CREB3L1: variants seen among roughly 807,000 people sequenced by gnomAD.
CREB3L1 encodes the protein cAMP responsive element binding protein 3 like 1.
A neutral mutation model predicts 54.5 loss-of-function variants in CREB3L1; 33 were observed. The observed-to-expected ratio is 0.61, with a 90% CI of 0.46 to 0.81. CREB3L1 has a LOEUF of 0.81. Ranked by LOEUF, CREB3L1 falls within the 30% of genes least tolerant of loss-of-function variation. The probability of loss-of-function intolerance (pLI) is 0.00; values close to 1 mark genes in which losing one functional copy is unlikely to be tolerated. For missense variants in CREB3L1, 656 were observed against 673.3 expected, an observed-to-expected ratio of 0.97 and a Z score of 0.29; for synonymous variants, 284 against 286.4, an observed-to-expected ratio of 0.99 and a Z score of 0.08.
intron 2 of CREB3L1, among the ~76,000 whole-genome samples, chr11:46,301,209 TGC>T (rs1939297076): frequency 6.7e-6 from 1 of 148,974 alleles, no homozygotes; most frequent in South Asian, 2.1e-4. Context: ...GGCGTGGTGG[TGC>T]GCTCCTGTAG....
At chr11:46,301,409 G>T (rs1033058901) in intron 2 of CREB3L1, among the ~76,000 whole-genome samples, 1 of 152,074 alleles carries the variant, frequency 6.6e-6, no homozygotes, top group Non-Finnish European at 1.5e-5. Flanking sequence ...AGGCTGATGC[G>T]GGTGGATCAC....
At chr11:46,309,891 G>A in intron 3 of CREB3L1, 98 bp from the exon 4 acceptor site, 2 of 938,472 alleles carry the variant, frequency 2.1e-6, no homozygotes, top group South Asian at 2.9e-5. Flanking sequence ...CCCCAACTGT[G>A]CAGGGCAGGC....
intron 11 of CREB3L1, 57 bp from the exon 12 acceptor site, chr11:46,320,653 C>A: frequency 6.3e-7 from 1 of 1,580,908 alleles, no homozygotes; most frequent in South Asian, 1.1e-5. Context: ...ATCCAGCTTG[C>A]AGAGGGTAAG....
chr11:46,305,739 TATATA>T (rs1308459500), intron 2 of CREB3L1, among the ~76,000 whole-genome samples: 30 of 122,340 alleles, frequency 2.5e-4, no homozygotes, highest in South Asian at 1.0e-3. Context: ...TGTGTATATA[TATATA>T]TATTTTTTTT....
At chr11:46,314,001 C>T (rs1467257262) in intron 8 of CREB3L1, among the ~76,000 whole-genome samples, 6 of 152,054 alleles carry the variant, frequency 3.9e-5, no homozygotes, top group African/African-American at 9.7e-5. Flanking sequence ...TTTTGGGAGG[C>T]GGAGGCGGGC....
intron 1 of CREB3L1, among the ~76,000 whole-genome samples, chr11:46,297,960 A>G (rs973399814): frequency 6.6e-6 from 1 of 152,184 alleles, no homozygotes; most frequent in Non-Finnish European, 1.5e-5. Context: ...TCATACTCCT[A>G]TGAGGTGAGT....
In CREB3L1 at chr11:46,277,991, CTTCG is replaced by C; in HGVS notation, c.-120_-117del. 1 of 282,398 alleles carries C rather than the reference CTTCG, an allele frequency of 3.5e-6. No homozygotes were observed. Among genetic ancestry groups the C allele is most frequent in the Non-Finnish European group, 6.2e-6 (1 of 160,270 alleles). The allele number at this position is 282,398 out of a possible 1,614,324, so 17.5% of individuals were successfully genotyped here. ...GCCTCCGTCCGCCCCTCCCCCGGGG[CTTCG>C]CCCCGGACCTGCCCCCCGCCCGTTT... On this transcript the variant is annotated 5_prime_UTR_variant, in exon 1 of 12. Coordinates refer to ENST00000621158, the MANE Select transcript of CREB3L1 (RefSeq NM_052854.4).
At position 46,320,248 on chromosome 11, in the gene CREB3L1, T is replaced by C; in HGVS notation, c.1259-16T>C. The C allele has an allele frequency of 5.7e-6, 9 of 1,579,094 alleles. No individual in the cohort carries two copies. The highest frequency in any genetic ancestry group is 7.7e-6 in the Non-Finnish European group (9 of 1,162,474). ...GGAATCTTGGGCACACCGCTCATCC[T>C]ACACTCCCTCTCCAGTGCCCTCCCG... On this transcript the variant is annotated splice_polypyrimidine_tract_variant and intron_variant, in intron 10 of 11. Transcript: ENST00000621158.
chr11:46,304,151 T>C (rs915487182), intron 2 of CREB3L1, among the ~76,000 whole-genome samples: 12 of 152,218 alleles, frequency 7.9e-5, no homozygotes, highest in Admixed American at 7.2e-4. Flanking sequence ...CAATGGTGCC[T>C]GCCCCCAGAG....
chr11:46,305,741 T>C (rs1939385423), intron 2 of CREB3L1, among the ~76,000 whole-genome samples: 1 of 123,606 alleles, frequency 8.1e-6, no homozygotes, highest in Admixed American at 7.9e-5. Context: ...TGTATATATA[T>C]ATATATTTTT....
chr11:46,291,925 G>C (rs1939136090), intron 1 of CREB3L1, among the ~76,000 whole-genome samples: 1 of 152,236 alleles, frequency 6.6e-6, no homozygotes, highest in Admixed American at 6.5e-5. Context: ...GAGGCTGAAT[G>C]CTGAGTACAC....
At position 46,317,357 on chromosome 11, in the gene CREB3L1, C is replaced by T. The variant is rs1939582964; in HGVS notation, c.1132-4C>T. On this transcript the variant is annotated splice_polypyrimidine_tract_variant and splice_region_variant and intron_variant, in intron 9 of 11. Transcript: ENST00000621158. The stretch of plus-strand genomic sequence containing the variant: ...ATCTGATGCCACTCTCTCTTTGCTA[C>T]CAGGTGGCAGCCTTGTGCTTTGTTC... The T allele has an allele frequency of 6.2e-7, 1 of 1,613,812 alleles. No homozygotes were observed. Among genetic ancestry groups the T allele is most frequent in the African/African-American group, 1.3e-5 (1 of 74,948 alleles).
At position 46,278,290 on chromosome 11, in the gene CREB3L1, C is replaced by G. The variant is rs1325870254; in HGVS notation, c.102+77C>G. ...GGCGCGCCTGGGCCCCTAGAAGGAC[C>G]CGACTACACATCACTGGGCAGGAGC... On this transcript the variant is annotated intron_variant, in intron 1 of 11. Transcript: ENST00000621158. This position sits in a 1 kb window ranked among gnomAD's most constrained non-coding sequence, Gnocchi z 4.2. The G allele has an allele frequency of 1.2e-6, 1 of 868,748 alleles. No homozygotes were observed. Among genetic ancestry groups the G allele is most frequent in the Non-Finnish European group, 1.8e-6 (1 of 558,782 alleles). 53.8% of individuals were successfully genotyped at this position (868,748 alleles called of 1,614,324 possible). A position where few individuals can be genotyped will look rare whatever the true frequency, so the allele number is the denominator to read the frequency against.
chr11:46,310,040 G>A lies in CREB3L1; in HGVS notation c.568G>A (p.Val190Met). The A allele has an allele frequency of 6.2e-7, 1 of 1,601,292 alleles. No homozygotes were observed. Among genetic ancestry groups the A allele is most frequent in the Non-Finnish European group, 8.5e-7 (1 of 1,174,146 alleles). Residue 190 changes from valine to methionine, a missense_variant, in exon 4 of 12, where the codon GTG becomes ATG. Physicochemically the swap from Val to Met is conservative, Grantham distance 21. Coordinates refer to ENST00000621158, the MANE Select transcript of CREB3L1 (RefSeq NM_052854.4). Reference protein sequence around the residue: ...LPVIKAEPLEVNQFLKVTPED... With the variant: ...LPVIKAEPLEMNQFLKVTPED... Reference sequence around the variant, plus strand: ...AGTGATCAAAGCAGAGCCTCTGGAGGTGAACCAGTTCCTCAAAGTGACACC... The same window carrying A: ...AGTGATCAAAGCAGAGCCTCTGGAGATGAACCAGTTCCTCAAAGTGACACC...
At chr11:46,285,269 G>A (rs1049822490) in intron 1 of CREB3L1, among the ~76,000 whole-genome samples, 2 of 152,200 alleles carry the variant, frequency 1.3e-5, no homozygotes, top group Admixed American at 6.5e-5. Flanking sequence ...TCCAGATGCT[G>A]GAGAACAGGC....
At chr11:46,317,530 C>A in intron 10 of CREB3L1, 43 bp downstream of exon 10, 1 of 1,598,378 alleles carries the variant, frequency 6.3e-7, no homozygotes, top group Non-Finnish European at 8.5e-7. Flanking sequence ...GCTGAGGCTG[C>A]CCTGCCCCAG....
intron 1 of CREB3L1, 62 bp from the exon 2 acceptor site, chr11:46,299,873 A>C: frequency 8.1e-7 from 1 of 1,234,888 alleles, no homozygotes; most frequent in Admixed American, 1.9e-5. Flanking sequence ...CCACAGTAGC[A>C]CCTGCACCCC....
At chr11:46,301,809 G>C (rs1472091719) in intron 2 of CREB3L1, among the ~76,000 whole-genome samples, 4 of 152,108 alleles carry the variant, frequency 2.6e-5, no homozygotes, top group African/African-American at 9.7e-5. Context: ...AAATTAGCCA[G>C]GCGTGGTGGT....
At position 46,311,277 on chromosome 11, in the gene CREB3L1, G is replaced by C. The variant is rs547183036; in HGVS notation, c.753+88G>C. The C allele has an allele frequency of 7.0e-5, 98 of 1,396,096 alleles. 1 individual carries two copies. In the South Asian group the frequency reaches 1.5e-3, roughly 21 times the overall value. 86.5% of individuals were successfully genotyped at this position (1,396,096 alleles called of 1,614,324 possible). On this transcript the variant is annotated intron_variant, in intron 5 of 11. Transcript: ENST00000621158. ...CTGGCCAGTCAGGAGGGTTTGGGGAGCCCCGAGACTGATCCCCACCCTCAT... is the reference window on the plus strand; with the variant it reads ...CTGGCCAGTCAGGAGGGTTTGGGGACCCCCGAGACTGATCCCCACCCTCAT...
Sources: allele counts gnomAD v4.1 joint callset (sites outside exome capture counted in the v4.1 genomes callset), GRCh38; gene constraint gnomAD v4.1.1; non-coding constraint Gnocchi (gnomAD v3.1); transcripts MANE v1.5; gene names NCBI Gene and HGNC (gene_info 2026-07-23, HGNC 2026-07-21).